ZNF808: variants seen among roughly 807,000 people sequenced by gnomAD.
ZNF808 encodes the protein zinc finger protein 808.
Under a neutral mutation model 8.7 loss-of-function variants are expected in ZNF808, and 5 were observed. The observed-to-expected ratio is 0.58, with a 90% CI of 0.30 to 1.21. The LOEUF is 1.21. Among genes scored for constraint, ZNF808 ranks in the 50% most tolerant of loss-of-function variants. The pLI is 0.07. For synonymous variants in ZNF808, 380 were observed against 366.0 expected (o/e 1.04, Z -0.44); for missense variants, 1,103 against 1,098.4 (o/e 1.00, Z -0.06).
chr19:52,567,939 A>C (rs1327065891), downstream of ZNF808, among the ~76,000 whole-genome samples: 1 of 152,222 alleles, frequency 6.6e-6, no homozygotes, highest in Non-Finnish European at 1.5e-5. Flanking sequence ...GGGAGATAGT[A>C]CCTGTAAGTC....
At chr19:52,544,339 T>C (rs2059701031) in intron 3 of ZNF808, among the ~76,000 whole-genome samples, 1 of 152,084 alleles carries the variant, frequency 6.6e-6, no homozygotes, top group African/African-American at 2.4e-5. Flanking sequence ...ATTATGTATG[T>C]ATTTATTTAT....
chr19:52,552,671 G>A (rs2059789038), intron 4 of ZNF808, among the ~76,000 whole-genome samples: 1 of 142,910 alleles, frequency 7.0e-6, no homozygotes, highest in South Asian at 2.2e-4. Flanking sequence ...TGAGCTTGTT[G>A]TGGATTATTT....
chr19:52,541,365 C>A (rs2059669019), intron 2 of ZNF808, among the ~76,000 whole-genome samples: 1 of 151,924 alleles, frequency 6.6e-6, no homozygotes, highest in Non-Finnish European at 1.5e-5. Flanking sequence ...TGAGTCACCG[C>A]TCCTGACTGG....
At position 52,554,989 on chromosome 19, in the gene ZNF808, T is replaced by C; in HGVS notation, c.2073T>C (p.Arg691=). Residue 691 remains arginine, a synonymous_variant, in exon 5 of 5, where the codon CGT becomes CGC. Coordinates refer to ENST00000359798, the MANE Select transcript of ZNF808 (RefSeq NM_001039886.4). ...TTTGTGACAAGGCTTTCGTGTGTCG[T>C]TCCTATGTGGCAAAACATACTAGAA... ...CKVCDKAFVC[R]SYVAKHTRIH... is the part of the protein sequence containing the mutation. The C allele has an allele frequency of 6.2e-7, 1 of 1,614,028 alleles. No homozygotes were observed. The highest frequency in any genetic ancestry group is 8.5e-7 in the Non-Finnish European group (1 of 1,180,008).
At position 52,555,038 on chromosome 19, in the gene ZNF808, A is replaced by T; in HGVS notation, c.2122A>T (p.Lys708Ter). 6.2e-7 allele frequency: 1 copy of T among 1,614,076 alleles called. No homozygotes were observed. Among genetic ancestry groups the T allele is most frequent in the Non-Finnish European group, 8.5e-7 (1 of 1,180,020 alleles). ...AATTCACAGTGGAATGAAACCTTAC[A>T]AGTGTAATGAGTGCAGCAAGACCTT... Reference protein sequence around the residue: ...TRIHSGMKPYKCNECSKTFSN... With the variant: ...TRIHSGMKPY Residue 708 changes from lysine (K) to a stop codon, truncating the protein, a stop_gained, in exon 5 of 5, where the codon AAG (lysine) becomes TAG (stop). Coordinates refer to ENST00000359798, the MANE Select transcript of ZNF808 (RefSeq NM_001039886.4). LOFTEE classifies it low-confidence loss of function (END_TRUNC).
chr19:52,528,755 G>A (rs1429094717), intron 1 of ZNF808, among the ~76,000 whole-genome samples: 1 of 152,024 alleles, frequency 6.6e-6, no homozygotes, highest in African/African-American at 2.4e-5. Flanking sequence ...ACACAGAGTG[G>A]GGACAGGGGA....
chr19:52,542,521 G>T (rs527364082), intron 2 of ZNF808, among the ~76,000 whole-genome samples: 7 of 152,048 alleles, frequency 4.6e-5, no homozygotes, highest in African/African-American at 1.7e-4. Context: ...TCTTCTCCGG[G>T]TTTCCTTTGT....
intron 1 of ZNF808, among the ~76,000 whole-genome samples, chr19:52,531,984 G>A (rs1468826373): frequency 6.6e-6 from 1 of 152,114 alleles, no homozygotes. Flanking sequence ...TAGAAGTTGT[G>A]GCTTTTTTCT....
intron 2 of ZNF808, chr19:52,535,956 ACTG>A (rs149048079): frequency 0.1 from 15,588 of 152,714 alleles, 1,094 homozygotes; most frequent in African/African-American, 0.2. Context: ...GCCCCGCCAA[ACTG>A]TTCGCCGGCC....
intron 2 of ZNF808, among the ~76,000 whole-genome samples, chr19:52,535,463 C>G (rs1358361026): frequency 6.6e-6 from 1 of 152,136 alleles, no homozygotes; most frequent in Admixed American, 6.5e-5. Context: ...GCGATTCTCC[C>G]GCCGCTGCTT....
At chr19:52,562,112 C>T (rs1018260950) in intron 3 of ZNF808, among the ~76,000 whole-genome samples, 1 of 151,920 alleles carries the variant, frequency 6.6e-6, no homozygotes, top group Admixed American at 6.6e-5. Flanking sequence ...GAGTTTGAGA[C>T]CAGTCAGGTA....
intron 1 of ZNF808, among the ~76,000 whole-genome samples, chr19:52,528,816 A>G (rs1341527071): frequency 6.6e-6 from 1 of 152,042 alleles, no homozygotes; most frequent in Non-Finnish European, 1.5e-5. Context: ...AGGCGCAGAG[A>G]TGGGTGAAGA....
chr19:52,557,494 C>G (rs2059842276), downstream of ZNF808, among the ~76,000 whole-genome samples: 2 of 152,074 alleles, frequency 1.3e-5, no homozygotes, highest in Non-Finnish European at 2.9e-5. Flanking sequence ...TCTCGAACTC[C>G]TGACTTCAGG....
In ZNF808 at chr19:52,554,823, C is replaced by T. The variant is rs1326329116; in HGVS notation, c.1907C>T (p.Ser636Leu). The change falls in exon 5 of 5, where the codon TCA (serine) becomes TTA (leucine). Residue 636 changes from serine (S) to leucine (L), a missense_variant. Ser to Leu is a moderately radical substitution (Grantham distance 145). Coordinates refer to ENST00000359798, the MANE Select transcript of ZNF808 (RefSeq NM_001039886.4). ...TGTGACACAGCTTTCACGTGGAATTCACAGCTGGCACGACATACAAGAATT... is the reference window on the plus strand; with the variant it reads ...TGTGACACAGCTTTCACGTGGAATTTACAGCTGGCACGACATACAAGAATT... Reference protein sequence around the residue: ...QVCDTAFTWNSQLARHTRIHT... With the variant: ...QVCDTAFTWNLQLARHTRIHT... 6.2e-7 allele frequency: 1 copy of T among 1,613,966 alleles called. No homozygotes were observed. The highest frequency in any genetic ancestry group is 8.5e-7 in the Non-Finnish European group (1 of 1,180,014).
chr19:52,561,202 CTCTCTCTCTCTATATATATATATATA>C (rs2059856521), downstream of ZNF808, among the ~76,000 whole-genome samples: 1 of 43,804 alleles, frequency 2.3e-5, no homozygotes, highest in African/African-American at 8.3e-5. Context: ...CTCTCTCTCT[CTCTCTCTCTCTATATATATATATATA>C]TATATATATA....
rs754953723 is a variant in ZNF808 at position 52,553,247 on chromosome 19, C to T, written c.331C>T (p.His111Tyr). ...CTTCCAGGAAATTGAGAAAGAAATT[C>T]ATAACATTGAGTTTCAGTGTCAAGA... is the stretch of plus-strand genomic sequence containing the variant. ...FCFQEIEKEI[H>Y]NIEFQCQEDE... Residue 111 changes from histidine (H) to tyrosine (Y), a missense_variant, in exon 5 of 5, where the codon CAT (histidine) becomes TAT (tyrosine). Transcript: ENST00000359798. The T allele has an allele frequency of 2.0e-5, 33 of 1,613,764 alleles. No homozygotes were observed. The highest frequency in any genetic ancestry group is 2.8e-5 in the Non-Finnish European group (33 of 1,179,980).
chr19:52,564,266 T>C (rs1001643869), exon 4 of ZNF808: 16 of 797,518 alleles, frequency 2.0e-5, no homozygotes, highest in Non-Finnish European at 3.1e-5. Flanking sequence ...ATATTTATGC[T>C]GTGTGAGCAT....
chr19:52,557,327 T>C (rs2059841500), downstream of ZNF808, among the ~76,000 whole-genome samples: 3 of 150,698 alleles, frequency 2.0e-5, no homozygotes, highest in South Asian at 6.3e-4. Context: ...AGTGCAATGG[T>C]GCGATCTGGT....
chr19:52,561,707 C>G (rs2059859010), intron 3 of ZNF808, among the ~76,000 whole-genome samples: 1 of 151,962 alleles, frequency 6.6e-6, no homozygotes, highest in African/African-American at 2.4e-5. Context: ...ACCACCACAC[C>G]CAGCTAATTT....
Sources: gnomAD v4.1 joint callset for allele counts (sites outside exome capture counted in the v4.1 genomes callset) on GRCh38, gnomAD v4.1.1 for gene constraint, MANE v1.5 for transcripts, NCBI Gene and HGNC (gene_info 2026-07-23, HGNC 2026-07-21) for gene names.